CNTLN: variants seen among roughly 807,000 people sequenced by gnomAD.
CNTLN encodes the protein centlein.
In CNTLN, 212 loss-of-function variants were observed where a neutral mutation model predicts 180.0. That is an observed-to-expected ratio of 1.18 (90% CI 1.05 to 1.32). The LOEUF is 1.32. CNTLN is among the 40% of genes most tolerant of loss of function. The pLI, the probability that CNTLN is intolerant of heterozygous loss-of-function variation, is 0.00. For missense variants in CNTLN, 2,095 were observed against 1,610.9 expected, an observed-to-expected ratio of 1.30 and a Z score of -5.14; for synonymous variants, 722 against 563.1, an observed-to-expected ratio of 1.28 and a Z score of -3.99.
intron 5 of CNTLN, among the ~76,000 whole-genome samples, chr9:17,254,923 G>A (rs1157864049): frequency 1.3e-5 from 2 of 151,662 alleles, no homozygotes; most frequent in African/African-American, 4.8e-5. Context: ...AGTGACATGA[G>A]ATGTCTTTCC....
At chr9:17,304,741 A>G (rs1411074275) in intron 7 of CNTLN, among the ~76,000 whole-genome samples, 2 of 152,208 alleles carry the variant, frequency 1.3e-5, no homozygotes, top group African/African-American at 4.8e-5. Context: ...AAAAATTAAT[A>G]AGAAAAAGTA....
chr9:17,511,274 C>T, the CNTLN span, among the ~76,000 whole-genome samples: 2 of 152,170 alleles, frequency 1.3e-5, no homozygotes, highest in African/African-American at 4.8e-5. Context: ...GGACAATCAC[C>T]TCCCAGCAAT....
intron 8 of CNTLN, among the ~76,000 whole-genome samples, chr9:17,318,900 T>A (rs1819718769): frequency 6.6e-6 from 1 of 152,090 alleles, no homozygotes; most frequent in African/African-American, 2.4e-5. Flanking sequence ...TTTATTCAGT[T>A]ATGTAGGCAA....
chr9:17,296,788 G>A (rs948052598), intron 6 of CNTLN, among the ~76,000 whole-genome samples: 2 of 152,020 alleles, frequency 1.3e-5, no homozygotes. Flanking sequence ...CAGGAAAATT[G>A]TGTATATCCA....
intron 25 of CNTLN, among the ~76,000 whole-genome samples, chr9:17,496,604 C>T (rs1216112400): frequency 6.6e-6 from 1 of 152,184 alleles, no homozygotes; most frequent in Admixed American, 6.5e-5. Context: ...CAAGGGTCTA[C>T]CTGCTAAATA....
intron 6 of CNTLN, among the ~76,000 whole-genome samples, chr9:17,290,323 G>T (rs1294688015): frequency 6.6e-6 from 1 of 151,238 alleles, no homozygotes; most frequent in Non-Finnish European, 1.5e-5. Flanking sequence ...GGCTGCTCGG[G>T]GGTCAGGGGT....
intron 5 of CNTLN, among the ~76,000 whole-genome samples, chr9:17,264,810 T>G (rs1356886283): frequency 6.6e-6 from 1 of 151,990 alleles, no homozygotes; most frequent in Non-Finnish European, 1.5e-5. Flanking sequence ...CGATTGTGAA[T>G]GTGAGTTCAC....
intron 2 of CNTLN, among the ~76,000 whole-genome samples, chr9:17,186,830 A>G (rs958578600): frequency 1.3e-5 from 2 of 152,102 alleles, no homozygotes; most frequent in African/African-American, 2.4e-5. Flanking sequence ...AAATATTACT[A>G]TCCTTTCTAT....
the CNTLN span, among the ~76,000 whole-genome samples, chr9:17,512,701 C>T: frequency 4.6e-3 from 705 of 152,328 alleles, 3 homozygotes; most frequent in Non-Finnish European, 6.6e-3. Context: ...ATTTTCACAG[C>T]ATATTCATAC....
chr9:17,342,471 C>T, intron 12 of CNTLN, 27 bp downstream of exon 12: 1 of 1,572,258 alleles, frequency 6.4e-7, no homozygotes, highest in Non-Finnish European at 8.6e-7. Flanking sequence ...ACAATATGGA[C>T]TTAGATAAAA....
Position 17,195,571 on chromosome 9 carries a change from A to C in CNTLN, c.450-30632A>C, listed in dbSNP as rs1488121070. On this transcript the variant is annotated intron_variant, in intron 2 of 25. Coordinates refer to ENST00000380647, the MANE Select transcript of CNTLN (RefSeq NM_017738.4). Reference sequence around the variant, plus strand: ...ATGTAGATTATAGTACTGTTTGTATACTTATAGGTACTTAATAAATACTTC... The same window carrying C: ...ATGTAGATTATAGTACTGTTTGTATCCTTATAGGTACTTAATAAATACTTC... Among the ~76,000 whole-genome samples, 3 of 152,254 alleles carry C rather than the reference A, an allele frequency of 2.0e-5. No individual in the cohort carries two copies. In the East Asian group the frequency reaches 5.8e-4, roughly 29 times the overall value.
intron 6 of CNTLN, among the ~76,000 whole-genome samples, chr9:17,278,005 G>A (rs952486888): frequency 1.6e-4 from 25 of 152,156 alleles, no homozygotes; most frequent in African/African-American, 5.3e-4. Flanking sequence ...GAAGGGACAA[G>A]AATTAGTATC....
At chr9:17,266,508 T>C (rs1257792205) in intron 5 of CNTLN, among the ~76,000 whole-genome samples, 1 of 152,164 alleles carries the variant, frequency 6.6e-6, no homozygotes, top group Admixed American at 6.5e-5. Flanking sequence ...ATAAAATGTA[T>C]ATTCTGTTGA....
intron 14 of CNTLN, among the ~76,000 whole-genome samples, chr9:17,388,823 G>A (rs1261334870): frequency 2.1e-5 from 1 of 48,150 alleles, no homozygotes; most frequent in Non-Finnish European, 6.3e-5. Context: ...ATCATTAATA[G>A]TAAAATACTG....
chr9:17,450,828 T>G (rs547508184), intron 18 of CNTLN, among the ~76,000 whole-genome samples: 1 of 143,428 alleles, frequency 7.0e-6, no homozygotes, highest in African/African-American at 3.0e-5. Context: ...TGCCTAAGGG[T>G]TTTTTTTGGT....
At chr9:17,463,106 G>T in intron 20 of CNTLN, 93 bp downstream of exon 20, 4 of 684,578 alleles carry the variant, frequency 5.8e-6, no homozygotes, top group Non-Finnish European at 1.0e-5. Flanking sequence ...TAATGTTTAC[G>T]TTTTCCTTCC....
chr9:17,500,962 C>T (rs989760547), intron 25 of CNTLN, among the ~76,000 whole-genome samples: 14 of 152,228 alleles, frequency 9.2e-5, no homozygotes, highest in Middle Eastern at 3.4e-3. Context: ...AAAATTAAAG[C>T]GTACTGCTTT....
chr9:17,140,427 A>G (rs1473478269), intron 1 of CNTLN, among the ~76,000 whole-genome samples: 1 of 151,876 alleles, frequency 6.6e-6, no homozygotes, highest in Non-Finnish European at 1.5e-5. Flanking sequence ...TGGTGGGTGT[A>G]TGAGGTAATG....
chr9:17,285,017 ATTATAC>A (rs1284075557), intron 6 of CNTLN, among the ~76,000 whole-genome samples: 4 of 146,178 alleles, frequency 2.7e-5, no homozygotes, highest in African/African-American at 7.8e-5. Flanking sequence ...TTTTTTTTTA[ATTATAC>A]TTTAAGTTTT....
Sources: allele counts gnomAD v4.1 joint callset (sites outside exome capture counted in the v4.1 genomes callset), GRCh38; gene constraint gnomAD v4.1.1; transcripts MANE v1.5; gene names NCBI Gene and HGNC (gene_info 2026-07-23, HGNC 2026-07-21).